GFRAL: variants seen among roughly 807,000 people sequenced by gnomAD.
GFRAL encodes GDNF family receptor alpha like.
GFRAL carries 36 observed loss-of-function variants against 45.4 expected under a neutral mutation model. That is an observed-to-expected ratio of 0.79 (90% confidence interval 0.61 to 1.05). The LOEUF is 1.05. GFRAL is among the 50% of genes least tolerant of loss of function. The pLI is 0.00. For synonymous variants in GFRAL, 166 were observed against 154.1 expected (o/e 1.08, Z -0.57); for missense variants, 507 against 467.5 (o/e 1.08, Z -0.78).
At chr6:55,385,421 T>A (rs188302316) in intron 6 of GFRAL, among the ~76,000 whole-genome samples, 5 of 152,226 alleles carry the variant, frequency 3.3e-5, no homozygotes, top group African/African-American at 9.6e-5. Flanking sequence ...CCTAATTGAC[T>A]GCTATGTGTC....
chr6:55,378,280 C>A (rs1272750749), intron 6 of GFRAL, among the ~76,000 whole-genome samples: 1 of 152,006 alleles, frequency 6.6e-6, no homozygotes, highest in African/African-American at 2.4e-5. Flanking sequence ...GGAAGGAAGG[C>A]AAATTCATAT....
chr6:55,358,966 C>T lies in GFRAL; in HGVS notation c.780C>T (p.Ser260=), dbSNP rs1435049922. ...GCCATGAAGATGAGAATTGCATTAGCACCTTAAGCAAACAGGACCTCACTT... is the reference window on the plus strand; with the variant it reads ...GCCATGAAGATGAGAATTGCATTAGTACCTTAAGCAAACAGGACCTCACTT... The part of the protein sequence containing the change: ...RKCHEDENCI[S]TLSKQDLTCS... The change falls in exon 6 of 9, where the codon AGC becomes AGT. Residue 260 remains serine, a synonymous_variant. Transcript: ENST00000340465. The T allele has an allele frequency of 2.5e-6, 4 of 1,612,930 alleles. No homozygotes were observed. Among genetic ancestry groups the T allele is most frequent in the Non-Finnish European group, 2.5e-6 (3 of 1,179,358 alleles).
At chr6:55,344,774 C>T (rs1288821350) in intron 3 of GFRAL, among the ~76,000 whole-genome samples, 4 of 152,028 alleles carry the variant, frequency 2.6e-5, no homozygotes, top group South Asian at 2.1e-4. Context: ...GATGACATGA[C>T]TGTATATTTA....
chr6:55,376,157 T>C (rs979334674), intron 6 of GFRAL, among the ~76,000 whole-genome samples: 1 of 152,028 alleles, frequency 6.6e-6, no homozygotes, highest in Non-Finnish European at 1.5e-5. Context: ...TAATGAATCA[T>C]ATTTATTGAC....
Position 55,327,526 on chromosome 6 carries a change from T to C in GFRAL, c.-29T>C, listed in dbSNP as rs1767781105. 8.1e-6 allele frequency: 13 copies of C among 1,612,242 alleles called. No homozygotes were observed. The highest frequency in any genetic ancestry group is 1.1e-5 in the Non-Finnish European group (13 of 1,178,860). ...CAGAAGAAACGCATCTGCCTTTTTT[T>C]CCAGGTGAACTGCCGTGAGTTGTCC... is the stretch of plus-strand genomic sequence containing the variant. On this transcript the variant is annotated 5_prime_UTR_variant, in exon 1 of 9. Transcript: ENST00000340465.
At chr6:55,337,132 C>A (rs547600596) in intron 3 of GFRAL, among the ~76,000 whole-genome samples, 1 of 151,890 alleles carries the variant, frequency 6.6e-6, no homozygotes, top group African/African-American at 2.4e-5. Context: ...TATTTGTATC[C>A]GTTAACCAAC....
At chr6:55,393,964 G>A (rs999056127) in intron 6 of GFRAL, among the ~76,000 whole-genome samples, 2 of 152,148 alleles carry the variant, frequency 1.3e-5, no homozygotes, top group Non-Finnish European at 2.9e-5. Context: ...ACCTATGCTG[G>A]AATATGATGA....
intron 6 of GFRAL, among the ~76,000 whole-genome samples, chr6:55,361,843 T>G (rs954179053): frequency 5.9e-5 from 9 of 152,186 alleles, no homozygotes; most frequent in African/African-American, 2.2e-4. Flanking sequence ...GCTTCTGCTT[T>G]CTTTACTTGA....
chr6:55,334,700 A>G (rs1227660705), intron 3 of GFRAL, among the ~76,000 whole-genome samples: 1 of 144,780 alleles, frequency 6.9e-6, no homozygotes, highest in African/African-American at 2.5e-5. Context: ...GTCCAATCCA[A>G]CCCATTCAAC....
At chr6:55,350,591 A>G (rs543018209) in intron 4 of GFRAL, among the ~76,000 whole-genome samples, 1 of 152,054 alleles carries the variant, frequency 6.6e-6, no homozygotes, top group Non-Finnish European at 1.5e-5. Context: ...ATCCCAGCTC[A>G]TTGGGAGGCT....
rs376501655 is a variant in GFRAL, at chr6:55,329,363, C to T, written c.22+1787C>T. Among the ~76,000 whole-genome samples the T allele has an allele frequency of 2.8e-4, 42 of 152,132 alleles. 1 individual carries two copies. In the South Asian group the frequency reaches 4.4e-3, roughly 16 times the overall value. On this transcript the variant is annotated intron_variant, in intron 1 of 8. Transcript: ENST00000340465. ...GGAAGTAAAACATATTTGGGGAAGA[C>T]AACATGTAGTATTTCTAAGTGATTA...
chr6:55,336,233 C>G (rs565302985), intron 3 of GFRAL, among the ~76,000 whole-genome samples: 1 of 152,140 alleles, frequency 6.6e-6, no homozygotes, highest in Non-Finnish European at 1.5e-5. Context: ...TGTGAGCCAC[C>G]GGGCCGGGCC....
Position 55,399,263 on chromosome 6 carries a change from T to C in GFRAL, c.1036T>C (p.Ser346Pro). Residue 346 changes from serine to proline, a missense_variant, in exon 7 of 9, where the codon TCC becomes CCC. Coordinates refer to ENST00000340465, the MANE Select transcript of GFRAL (RefSeq NM_207410.2). ...CAAAATCACTTTAACTGGATTTCAT[T>C]CCCCCTTCAATGGTCAGTTAAAAAT... ...ANKITLTGFH[S>P]PFNGEVIYAA... 1 of 1,595,728 alleles carries C rather than the reference T, an allele frequency of 6.3e-7. No individual in the cohort carries two copies. The highest frequency in any genetic ancestry group is 8.6e-7 in the Non-Finnish European group (1 of 1,165,016).
At chr6:55,339,644 G>C (rs770176330) in intron 3 of GFRAL, among the ~76,000 whole-genome samples, 4 of 152,116 alleles carry the variant, frequency 2.6e-5, no homozygotes, top group Non-Finnish European at 5.9e-5. Flanking sequence ...GAAGAAAATT[G>C]TCAAAATTCT....
intron 2 of GFRAL, among the ~76,000 whole-genome samples, chr6:55,333,005 A>G (rs1448121465): frequency 6.6e-6 from 1 of 152,096 alleles, no homozygotes. Flanking sequence ...TATTTTGATG[A>G]TTAAACTTCT....
At chr6:55,343,697 T>A (rs1006299156) in intron 3 of GFRAL, among the ~76,000 whole-genome samples, 1 of 151,842 alleles carries the variant, frequency 6.6e-6, no homozygotes, top group Non-Finnish European at 1.5e-5. Context: ...CTGAAGGAAA[T>A]AGAGACACAA....
intron 6 of GFRAL, 138 bp from the exon 7 acceptor site, chr6:55,399,042 A>G: frequency 2.0e-6 from 1 of 505,920 alleles, no homozygotes; most frequent in East Asian, 3.3e-5. Context: ...AATTGTTCCT[A>G]GTTTTATTCA....
At chr6:55,342,811 A>C (rs1472755759) in intron 3 of GFRAL, among the ~76,000 whole-genome samples, 1 of 152,182 alleles carries the variant, frequency 6.6e-6, no homozygotes, top group Non-Finnish European at 1.5e-5. Context: ...ACATAGGCTC[A>C]AAATAAAAGG....
intron 6 of GFRAL, among the ~76,000 whole-genome samples, chr6:55,393,900 G>A (rs887594317): frequency 1.3e-5 from 2 of 152,204 alleles, no homozygotes; most frequent in Non-Finnish European, 2.9e-5. Flanking sequence ...CTTGTAGTCA[G>A]GCAGAAGTGA....
Sources: gnomAD v4.1 joint callset for allele counts (sites outside exome capture counted in the v4.1 genomes callset) on GRCh38, gnomAD v4.1.1 for gene constraint, MANE v1.5 for transcripts, NCBI Gene and HGNC (gene_info 2026-07-23, HGNC 2026-07-21) for gene names.